Variants in GAS6 observed in about 807,000 individuals in gnomAD.
GAS6 encodes growth arrest-specific protein 6.
Under a neutral mutation model 75.8 loss-of-function variants are expected in GAS6, and 41 were observed. The observed-to-expected ratio is 0.54, with a 90% CI of 0.42 to 0.70. The LOEUF is 0.70. Among genes scored for constraint, GAS6 ranks in the 30% least tolerant of loss-of-function variants. GAS6 has a pLI of 0.00. For synonymous variants in GAS6, 432 were observed against 412.6 expected, an observed-to-expected ratio of 1.05 and a Z score of -0.57; for missense variants, 854 against 940.2, an observed-to-expected ratio of 0.91 and a Z score of 1.20.
chr13:113,839,617 G>A, intron 5 of GAS6, 111 bp downstream of exon 5: 4 of 1,430,510 alleles, frequency 2.8e-6, no homozygotes, highest in Admixed American at 4.0e-5. Context: ...CCTTGGGGCT[G>A]TCGGAGAGCA....
At chr13:113,843,157 A>AC (rs1353032036) in intron 4 of GAS6, 3 of 282,810 alleles carry the variant, frequency 1.1e-5, no homozygotes, top group Non-Finnish European at 6.5e-6. Flanking sequence ...CACTTCCCTG[A>AC]CCCCGTCCAC....
At position 113,858,663 on chromosome 13, in the gene GAS6, CTG is replaced by C. The variant is rs973104830; in HGVS notation, c.255+4910_255+4911del. On this transcript the variant is annotated intron_variant, in intron 2 of 14. Coordinates refer to ENST00000327773, the MANE Select transcript of GAS6 (RefSeq NM_000820.4). ...TGTTTGTGACTGTATGTGTACATGTCTGTGTGTGCCTATGTATGCATGTCTGT... is the reference window on the plus strand; with the variant it reads ...TGTTTGTGACTGTATGTGTACATGTCTGTGTGCCTATGTATGCATGTCTGT... Among the ~76,000 whole-genome samples the C allele has an allele frequency of 7.0e-4, 81 of 115,998 alleles. 1 individual carries two copies. In the East Asian group the frequency reaches 0.021, roughly 31 times the overall value. The allele number at this position is 115,998 out of a possible 152,430, so 76.1% of individuals were successfully genotyped here. A position where few individuals can be genotyped will look rare whatever the true frequency, so the allele number is the denominator to read the frequency against.
At chr13:113,826,690 T>C (rs60145395) in intron 12 of GAS6, among the ~76,000 whole-genome samples, 2,958 of 17,592 alleles carry the variant, frequency 0.17, 490 homozygotes, top group African/African-American at 0.45. Context: ...CCCCGCCTCC[T>C]GGCGCCGGCC....
chr13:113,847,931 A>G (rs2051846614), intron 3 of GAS6, 95 bp downstream of exon 3: 3 of 1,151,836 alleles, frequency 2.6e-6, no homozygotes, highest in Non-Finnish European at 3.9e-6. Flanking sequence ...TCTTCCTTCC[A>G]AGAGTTACGT....
At position 113,824,017 on chromosome 13, in the gene GAS6, G is replaced by A. The variant is rs114595984; in HGVS notation, c.1478-467C>T. Among the ~76,000 whole-genome samples the A allele has an allele frequency of 4.4e-3, 674 of 151,746 alleles. 5 individuals carry two copies. The highest frequency in any genetic ancestry group is 0.016 in the African/African-American group (638 of 41,090). ...GAGAGTTTAAGATAGCATGCGGACA[G>A]GAGCTGTCATGAGCACGGTGGTCTG... On this transcript the variant is annotated intron_variant, in intron 12 of 14. Transcript: ENST00000327773.
At position 113,848,425 on chromosome 13, in the gene GAS6, C is replaced by T. The variant is rs1868967828; in HGVS notation, c.256-375G>A. Among the ~76,000 whole-genome samples the T allele has an allele frequency of 6.6e-6, 1 of 152,174 alleles. No homozygotes were observed. Among genetic ancestry groups the T allele is most frequent in the Non-Finnish European group, 1.5e-5 (1 of 68,024 alleles). On this transcript the variant is annotated intron_variant, in intron 2 of 14. Coordinates refer to ENST00000327773, the MANE Select transcript of GAS6 (RefSeq NM_000820.4). The surrounding 1 kb of genome is among the most constrained non-coding windows in gnomAD (Gnocchi z 4.8). ...AACCCCAAAGACCTTTCTTTTGGCA[C>T]ACGGGCATTGATTTGCACTTATAGT...
chr13:113,836,845 AG>A (rs2051721095), intron 6 of GAS6, among the ~76,000 whole-genome samples: 1 of 48,582 alleles, frequency 2.1e-5, no homozygotes, highest in African/African-American at 8.1e-5. Context: ...GAGGAGGGGG[AG>A]TGGGGGGGAG....
At chr13:113,860,713 G>C (rs1159975777) in intron 2 of GAS6, among the ~76,000 whole-genome samples, 1 of 152,162 alleles carries the variant, frequency 6.6e-6, no homozygotes, top group Non-Finnish European at 1.5e-5. Flanking sequence ...AGAGCAAGGA[G>C]GCATGTGGGG....
rs1306761418 is a variant in GAS6, at chr13:113,832,711, C to T, written c.876G>A (p.Val292=). ...ACATCCGGCCCAGGTACAAGGACTT[C>T]ACACTCTTGGCCACGCTGAAGGGCA... ...PCVPFSVAKS[V]KSLYLGRMFS... The change falls in exon 9 of 15, where the codon GTG becomes GTA. Residue 292 remains valine, a synonymous_variant. Coordinates refer to ENST00000327773, the MANE Select transcript of GAS6 (RefSeq NM_000820.4). 6.2e-7 allele frequency: 1 copy of T among 1,612,650 alleles called. No homozygotes were observed. The highest frequency in any genetic ancestry group is 2.2e-5 in the East Asian group (1 of 44,896).
chr13:113,854,965 A>G (rs6602907), intron 2 of GAS6, among the ~76,000 whole-genome samples: 69,221 of 152,180 alleles, frequency 0.45, 19,258 homozygotes, highest in African/African-American at 0.78. Flanking sequence ...TGCCCACCCC[A>G]GCCCCGGTGG....
chr13:113,823,623 C>G (rs535033524), intron 12 of GAS6, 73 bp from the exon 13 acceptor site: 3 of 1,436,834 alleles, frequency 2.1e-6, no homozygotes, highest in Admixed American at 2.0e-5. Context: ...AGCAGGGCCT[C>G]GAGAGATGCA....
At chr13:113,856,609 T>G (rs189286034) in intron 2 of GAS6, among the ~76,000 whole-genome samples, 193 of 152,332 alleles carry the variant, frequency 1.3e-3, no homozygotes, top group African/African-American at 4.4e-3. Flanking sequence ...AGTTTCATCA[T>G]CTGCTGCTGC....
rs1276032581 is a variant in GAS6 at position 113,831,560 on chromosome 13, C to A, written c.1143+739G>T. 2.6e-5 allele frequency among the ~76,000 whole-genome samples: 4 copies of A among 152,058 alleles called. No homozygotes were observed. The East Asian group carries it at 7.8e-4, about 29-fold the overall frequency. On this transcript the variant is annotated intron_variant, in intron 10 of 14. Coordinates refer to ENST00000327773, the MANE Select transcript of GAS6 (RefSeq NM_000820.4). ...AACAGCATGGCCTCCAGACACAGCC[C>A]AGGGTCCCCTGGGGCTGAGAACCAC...
chr13:113,841,744 G>GCCC (rs1320816144), intron 4 of GAS6: 2 of 53,424 alleles, frequency 3.7e-5, no homozygotes, highest in Non-Finnish European at 6.2e-5. Context: ...TCCTCCATAT[G>GCCC]CCCAGTTTCC....
At chr13:113,839,474 C>G in intron 5 of GAS6, 1 of 446,802 alleles carries the variant, frequency 2.2e-6, no homozygotes, top group Non-Finnish European at 3.9e-6. Flanking sequence ...TGAAATTTCC[C>G]CCCCCGCCCT....
chr13:113,832,892 C>T (rs746314251), intron 8 of GAS6, 140 bp from the exon 9 acceptor site: 11 of 1,540,468 alleles, frequency 7.1e-6, no homozygotes, highest in Non-Finnish European at 9.6e-6. Context: ...CTGCTGAGAC[C>T]CCAGAGGCTG....
At chr13:113,850,896 G>T (rs1353375717) in intron 2 of GAS6, among the ~76,000 whole-genome samples, 1 of 152,232 alleles carries the variant, frequency 6.6e-6, no homozygotes, top group African/African-American at 2.4e-5. Flanking sequence ...ATGGATGGAT[G>T]AGTGAATCGG....
intron 6 of GAS6, among the ~76,000 whole-genome samples, chr13:113,836,962 T>C (rs976904245): frequency 2.7e-5 from 4 of 148,666 alleles, no homozygotes; most frequent in African/African-American, 7.4e-5. Flanking sequence ...CGGGAATGCC[T>C]CTGTCACTGT....
In GAS6 at chr13:113,827,090, C is replaced by T. The variant is rs200460893; in HGVS notation, c.1383G>A (p.Thr461=). 57 of 1,613,492 alleles carry T rather than the reference C, an allele frequency of 3.5e-5. No individual in the cohort carries two copies. The highest frequency in any genetic ancestry group is 3.2e-4 in the South Asian group (29 of 91,050). ...LNGEDTTIQE[T]VKVNTRMQCF... ...ACTGCATCCTCGTGTTCACTTTCACCGTTTCCTGGATGGTGGTGTCTTCTC... is the reference window on the plus strand; with the variant it reads ...ACTGCATCCTCGTGTTCACTTTCACTGTTTCCTGGATGGTGGTGTCTTCTC... Residue 461 remains threonine (T), a synonymous_variant, in exon 12 of 15, where the codon ACG becomes ACA. Transcript: ENST00000327773.
Sources: allele counts gnomAD v4.1 joint callset (sites outside exome capture counted in the v4.1 genomes callset), GRCh38; gene constraint gnomAD v4.1.1; non-coding constraint Gnocchi (gnomAD v3.1); transcripts MANE v1.5; gene names NCBI Gene and HGNC (gene_info 2026-07-23, HGNC 2026-07-21).